TOLLIP: variants seen among roughly 807,000 people sequenced by gnomAD.
TOLLIP encodes the protein toll-interacting protein.
A neutral mutation model predicts 33.5 loss-of-function variants in TOLLIP; 16 were observed. That is an observed-to-expected ratio of 0.48 (90% CI 0.32 to 0.72). TOLLIP has a LOEUF of 0.72. Among genes scored for constraint, TOLLIP ranks in the 30% least tolerant of loss-of-function variants. The probability of loss-of-function intolerance (pLI) is 0.03; values close to 1 mark genes in which losing one functional copy is unlikely to be tolerated. For missense variants in TOLLIP, 325 were observed against 396.6 expected, an observed-to-expected ratio of 0.82 and a Z score of 1.53; for synonymous variants, 176 against 163.7, an observed-to-expected ratio of 1.07 and a Z score of -0.57.
intron 1 of TOLLIP, among the ~76,000 whole-genome samples, chr11:1,300,145 C>A (rs5743916): frequency 0.023 from 3,454 of 152,294 alleles, 56 homozygotes; most frequent in Non-Finnish European, 0.033. Context: ...CAGGGTAGGG[C>A]TCTCATCCCA....
intron 2 of TOLLIP, among the ~76,000 whole-genome samples, chr11:1,293,769 C>A (rs186107355): frequency 9.2e-5 from 14 of 152,358 alleles, no homozygotes; most frequent in Admixed American, 3.3e-4. Context: ...GAGTGCCCTG[C>A]GGTCACCAGG....
intron 5 of TOLLIP, chr11:1,283,647 T>C (rs1168532667): frequency 2.2e-6 from 1 of 446,668 alleles, no homozygotes; most frequent in Non-Finnish European, 4.5e-6. Context: ...AAAATAAACG[T>C]TTTAGAGCAA....
At chr11:1,304,325 C>G (rs1864366639) in intron 1 of TOLLIP, among the ~76,000 whole-genome samples, 1 of 152,084 alleles carries the variant, frequency 6.6e-6, no homozygotes, top group Non-Finnish European at 1.5e-5. Flanking sequence ...AAGGCATGTA[C>G]AAGCAAAAAT....
rs548657558 is a variant in TOLLIP at position 1,276,938 on chromosome 11, G to A, written c.*101C>T. On this transcript the variant is annotated 3_prime_UTR_variant, in exon 6 of 6. Coordinates refer to ENST00000317204, the MANE Select transcript of TOLLIP (RefSeq NM_019009.4). ...AGAAGTCCACGGGAGGGGGCGACAC[G>A]GGTGCTCTTTCACGGGAATCTTGTT... 10 of 1,579,216 alleles carry A rather than the reference G, an allele frequency of 6.3e-6. No homozygotes were observed. In the Admixed American group the frequency reaches 1.0e-4, roughly 16 times the overall value.
intron 1 of TOLLIP, among the ~76,000 whole-genome samples, chr11:1,297,856 C>A (rs1254115623): frequency 1.3e-5 from 2 of 152,234 alleles, no homozygotes; most frequent in African/African-American, 4.8e-5. Context: ...CTCAGGAGGG[C>A]GCTGAGAGGC....
At chr11:1,309,383 C>T in intron 1 of TOLLIP, 83 bp downstream of exon 1, 4 of 785,688 alleles carry the variant, frequency 5.1e-6, no homozygotes, top group South Asian at 5.7e-5. Flanking sequence ...CCGCCAGCCG[C>T]AGCTGAGCAG....
In TOLLIP at chr11:1,299,825, G is replaced by A. The variant is rs116701390; in HGVS notation, c.34-4031C>T. Among the ~76,000 whole-genome samples, 895 of 152,292 alleles carry A rather than the reference G, an allele frequency of 5.9e-3. 5 individuals carry two copies. The highest frequency in any genetic ancestry group is 0.02 in the African/African-American group (836 of 41,556). ...GCTGCGTCACCTGTGCCGTCAAAAC[G>A]CCCCGTCCACCAGCCAGGCACATCC... On this transcript the variant is annotated intron_variant, in intron 1 of 5. Coordinates refer to ENST00000317204, the MANE Select transcript of TOLLIP (RefSeq NM_019009.4).
At chr11:1,292,770 A>G (rs1863990769) in intron 2 of TOLLIP, among the ~76,000 whole-genome samples, 1 of 152,256 alleles carries the variant, frequency 6.6e-6, no homozygotes, top group Non-Finnish European at 1.5e-5. Context: ...TTTCCCCACA[A>G]TGGGCAAGAG....
chr11:1,284,829 G>A lies in TOLLIP; in HGVS notation c.610+1173C>T, dbSNP rs190559648. 1.1e-3 allele frequency among the ~76,000 whole-genome samples: 161 copies of A among 152,322 alleles called. 2 individuals are homozygous for A. The highest frequency in any genetic ancestry group is 3.7e-3 in the African/African-American group (155 of 41,572). ...GCTGTTCTCACAGGCAGTTTTGTCCGAGAATGTCCTGAACACCAGTGGACA... is the reference window on the plus strand; with the variant it reads ...GCTGTTCTCACAGGCAGTTTTGTCCAAGAATGTCCTGAACACCAGTGGACA... On this transcript the variant is annotated intron_variant, in intron 5 of 5. Coordinates refer to ENST00000317204, the MANE Select transcript of TOLLIP (RefSeq NM_019009.4).
intron 5 of TOLLIP, among the ~76,000 whole-genome samples, chr11:1,281,771 T>A (rs766590329): frequency 1.2e-4 from 18 of 152,364 alleles, no homozygotes; most frequent in Non-Finnish European, 2.1e-4. Context: ...TTCTCCACCA[T>A]GTGAGTCATA....
intron 2 of TOLLIP, among the ~76,000 whole-genome samples, chr11:1,292,788 G>A (rs911736061): frequency 6.6e-6 from 1 of 152,254 alleles, no homozygotes; most frequent in Non-Finnish European, 1.5e-5. Context: ...GAGATGCGCG[G>A]CAGACACACA....
rs777703622 is a variant in TOLLIP, at chr11:1,303,038, C to G, written c.33+6428G>C. On this transcript the variant is annotated intron_variant, in intron 1 of 5. Transcript: ENST00000317204. This position sits in a 1 kb window ranked among gnomAD's most constrained non-coding sequence, Gnocchi z 4.2. ...AGGTTCCCTGGCTCTGCTAAAGTCT[C>G]AAAGCAAACACTAGAATTTGTGTAA... Among the ~76,000 whole-genome samples, 9 of 152,142 alleles carry G rather than the reference C, an allele frequency of 5.9e-5. No individual in the cohort carries two copies. Among genetic ancestry groups the G allele is most frequent in the Non-Finnish European group, 1.2e-4 (8 of 68,038 alleles).
At chr11:1,292,406 C>T (rs1304859591) in intron 2 of TOLLIP, among the ~76,000 whole-genome samples, 3 of 152,146 alleles carry the variant, frequency 2.0e-5, no homozygotes, top group South Asian at 2.1e-4. Flanking sequence ...ACATGGGACT[C>T]CCCTGCCAGC....
At position 1,283,060 on chromosome 11, in the gene TOLLIP, G is replaced by A. The variant is rs557877206; in HGVS notation, c.610+2942C>T. 5.9e-5 allele frequency among the ~76,000 whole-genome samples: 9 copies of A among 152,352 alleles called. 1 individual carries two copies. The South Asian group carries it at 1.9e-3, about 32-fold the overall frequency. Reference sequence around the variant, plus strand: ...TGGTCCTGGGGTGCCTCCCACACAGGACATATTTTAGTTCCCGGGGAACAG... The same window carrying A: ...TGGTCCTGGGGTGCCTCCCACACAGAACATATTTTAGTTCCCGGGGAACAG... On this transcript the variant is annotated intron_variant, in intron 5 of 5. Coordinates refer to ENST00000317204, the MANE Select transcript of TOLLIP (RefSeq NM_019009.4).
intron 4 of TOLLIP, 31 bp from the exon 5 acceptor site, chr11:1,286,123 A>G (rs369992898): frequency 2.4e-5 from 36 of 1,525,866 alleles, no homozygotes; most frequent in Middle Eastern, 3.4e-4. Flanking sequence ...TCCCGGGGTC[A>G]AGGAGGAACA....
chr11:1,288,459 C>T (rs913435324), intron 4 of TOLLIP, among the ~76,000 whole-genome samples, 165 bp downstream of exon 4: 4 of 152,236 alleles, frequency 2.6e-5, no homozygotes, highest in Admixed American at 6.5e-5. Flanking sequence ...CTCTCTGCCA[C>T]CAAACCACCC....
At chr11:1,302,081 A>AG (rs1864296925) in intron 1 of TOLLIP, among the ~76,000 whole-genome samples, 1 of 152,230 alleles carries the variant, frequency 6.6e-6, no homozygotes, top group Non-Finnish European at 1.5e-5. Flanking sequence ...AGGCCCTGCA[A>AG]GGGGCCTGCT....
chr11:1,288,890 T>A, intron 3 of TOLLIP, 114 bp from the exon 4 acceptor site: 1 of 1,185,796 alleles, frequency 8.4e-7, no homozygotes, highest in Non-Finnish European at 1.2e-6. Flanking sequence ...GGAACAGGGC[T>A]CCCACCTGCA....
chr11:1,309,418 G>T (rs948985573), intron 1 of TOLLIP, 48 bp downstream of exon 1: 12 of 1,169,066 alleles, frequency 1.0e-5, no homozygotes, highest in Middle Eastern at 6.6e-4. Flanking sequence ...GGCCCCGCCC[G>T]CAACCGCAGG....
Sources: allele counts gnomAD v4.1 joint callset (sites outside exome capture counted in the v4.1 genomes callset), GRCh38; gene constraint gnomAD v4.1.1; non-coding constraint Gnocchi (gnomAD v3.1); transcripts MANE v1.5; gene names NCBI Gene and HGNC (gene_info 2026-07-23, HGNC 2026-07-21).